The following ATP6V0A4 variants were observed in gnomAD, a reference collection of about 807,000 sequenced individuals.
The protein encoded by ATP6V0A4 is ATPase H+ transporting V0 subunit a4.
In ATP6V0A4, 86 loss-of-function variants were observed where a neutral mutation model predicts 107.3. That is an observed-to-expected ratio of 0.80 (90% CI 0.67 to 0.96). The LOEUF (loss-of-function observed/expected upper bound fraction) is 0.96. Ranked by LOEUF, ATP6V0A4 falls within the 40% of genes least tolerant of loss-of-function variation. ATP6V0A4 has a pLI of 0.00. For synonymous variants in ATP6V0A4, 353 were observed against 381.4 expected, an observed-to-expected ratio of 0.93 and a Z score of 0.87; for missense variants, 908 against 1,045.6, an observed-to-expected ratio of 0.87 and a Z score of 1.81.
At chr7:138,768,451 C>T (rs979296855) in intron 5 of ATP6V0A4, among the ~76,000 whole-genome samples, 1 of 152,070 alleles carries the variant, frequency 6.6e-6, no homozygotes, top group Non-Finnish European at 1.5e-5. Context: ...CACACTCAGC[C>T]CATTCAGTGG....
chr7:138,733,673 G>A (rs1805152717), intron 16 of ATP6V0A4, among the ~76,000 whole-genome samples: 1 of 146,568 alleles, frequency 6.8e-6, no homozygotes, highest in Non-Finnish European at 1.5e-5. Context: ...CTGCCTCCAG[G>A]TCCAAGGGAT....
chr7:138,753,450 A>G (rs931116146), intron 10 of ATP6V0A4, among the ~76,000 whole-genome samples: 2 of 152,124 alleles, frequency 1.3e-5, no homozygotes, highest in African/African-American at 4.8e-5. Context: ...ATAAATCTTT[A>G]TTGTCTTATG....
intron 12 of ATP6V0A4, among the ~76,000 whole-genome samples, chr7:138,747,841 A>G (rs945461935): frequency 1.3e-5 from 2 of 151,596 alleles, no homozygotes; most frequent in Non-Finnish European, 2.9e-5. Flanking sequence ...TGCAACCTCC[A>G]CCTCCTGGGC....
At chr7:138,741,297 T>TACTGTCCTGGCCC (rs1317848233) in intron 14 of ATP6V0A4, among the ~76,000 whole-genome samples, 4 of 152,174 alleles carry the variant, frequency 2.6e-5, no homozygotes, top group Non-Finnish European at 5.9e-5. Flanking sequence ...AAGCCTGGCC[T>TACTGTCCTGGCCC]ACTGTCCTGG....
chr7:138,783,504 T>A (rs1050342489), intron 2 of ATP6V0A4, among the ~76,000 whole-genome samples: 4 of 152,054 alleles, frequency 2.6e-5, no homozygotes, highest in Non-Finnish European at 4.4e-5. Context: ...AGCAGGAGGA[T>A]CGCTTGAGCC....
intron 5 of ATP6V0A4, 130 bp downstream of exon 5, chr7:138,768,650 G>A (rs540413922): frequency 3.9e-5 from 44 of 1,131,234 alleles, no homozygotes; most frequent in East Asian, 3.9e-4. Flanking sequence ...AGAGGGAGAC[G>A]ACCATGCAGG....
chr7:138,715,671 TC>T, intron 20 of ATP6V0A4, 92 bp downstream of exon 20: 1 of 1,507,218 alleles, frequency 6.6e-7, no homozygotes, highest in Non-Finnish European at 9.2e-7. Flanking sequence ...CACAAATAGC[TC>T]GGAGAAGTCA....
intron 20 of ATP6V0A4, among the ~76,000 whole-genome samples, chr7:138,710,632 A>G (rs1803691681): frequency 6.6e-6 from 1 of 152,222 alleles, no homozygotes; most frequent in Non-Finnish European, 1.5e-5. Context: ...AATCCTAACC[A>G]CATTTCAAAA....
chr7:138,711,604 C>T (rs3778701), intron 20 of ATP6V0A4, among the ~76,000 whole-genome samples: 11,260 of 152,164 alleles, frequency 0.074, 464 homozygotes, highest in Middle Eastern at 0.18. Context: ...TTGCTTGCTG[C>T]CCCCCAAGAT....
At chr7:138,754,928 C>T (rs1357819654) in intron 10 of ATP6V0A4, among the ~76,000 whole-genome samples, 1 of 152,024 alleles carries the variant, frequency 6.6e-6, no homozygotes, top group Non-Finnish European at 1.5e-5. Context: ...GCACCCAGCC[C>T]TAAAATTTAA....
intron 13 of ATP6V0A4, among the ~76,000 whole-genome samples, chr7:138,746,386 A>G (rs1584920890): frequency 6.6e-6 from 1 of 152,176 alleles, no homozygotes; most frequent in Admixed American, 6.6e-5. Context: ...TTTACCATAC[A>G]AAATCATATC....
rs565380336 is a variant in ATP6V0A4 at position 138,739,654 on chromosome 7, A to G, written c.1479-21T>C. The stretch of plus-strand genomic sequence containing the variant: ...GAGTACTTTAGAGGGAGAAAAGGAG[A>G]AAAACAAACAATGATCAACCGGGGC... On this transcript the variant is annotated intron_variant, in intron 14 of 21. Coordinates refer to ENST00000310018, the MANE Select transcript of ATP6V0A4 (RefSeq NM_020632.3). The G allele has an allele frequency of 3.7e-6, 6 of 1,613,778 alleles. No homozygotes were observed. The African/African-American group carries it at 6.7e-5, about 18-fold the overall frequency.
chr7:138,791,515 C>CTTCA (rs1203307726), intron 1 of ATP6V0A4, among the ~76,000 whole-genome samples: 1 of 152,158 alleles, frequency 6.6e-6, no homozygotes, highest in African/African-American at 2.4e-5. Flanking sequence ...GGAATCCATA[C>CTTCA]TTCAGCACAT....
At position 138,742,020 on chromosome 7, in the gene ATP6V0A4, T is replaced by C. The variant is rs138795164; in HGVS notation, c.1479-2387A>G. ...CATAAGAGAACAGCATTCATACCCA[T>C]GTCTGCAGAGTGGTAACAAGACAGT... is the stretch of plus-strand genomic sequence containing the variant. On this transcript the variant is annotated intron_variant, in intron 14 of 21. Transcript: ENST00000310018. Among the ~76,000 whole-genome samples the C allele has an allele frequency of 2.0e-4, 31 of 152,358 alleles. No individual in the cohort carries two copies. The East Asian group carries it at 4.2e-3, about 21-fold the overall frequency.
chr7:138,780,741 G>GA (rs1807880312), intron 2 of ATP6V0A4, among the ~76,000 whole-genome samples: 1 of 151,854 alleles, frequency 6.6e-6, no homozygotes, highest in Non-Finnish European at 1.5e-5. Flanking sequence ...TCATCTCTAT[G>GA]AAAAATAAAC....
At chr7:138,750,755 C>T (rs1482336249) in intron 11 of ATP6V0A4, among the ~76,000 whole-genome samples, 3 of 152,300 alleles carry the variant, frequency 2.0e-5, no homozygotes, top group South Asian at 2.1e-4. Flanking sequence ...CCCTGCTCAG[C>T]CTGGTTGAAA....
intron 21 of ATP6V0A4, among the ~76,000 whole-genome samples, chr7:138,707,156 ATATAATATATTATATATAT>A: frequency 1.2e-5 from 1 of 82,294 alleles, no homozygotes; most frequent in Non-Finnish European, 2.2e-5. Context: ...ATATATTAAT[ATATAATATATTATATATAT>A]TATATAATAT....
At chr7:138,796,028 G>A (rs1375301311) in intron 1 of ATP6V0A4, among the ~76,000 whole-genome samples, 1 of 152,102 alleles carries the variant, frequency 6.6e-6, no homozygotes, top group Non-Finnish European at 1.5e-5. Context: ...AAATCTTGGG[G>A]ATTCCACGTA....
At chr7:138,707,336 A>AAT (rs1554386004) in intron 21 of ATP6V0A4, among the ~76,000 whole-genome samples, 2 of 66,826 alleles carry the variant, frequency 3.0e-5, no homozygotes, top group African/African-American at 6.6e-5. Context: ...TTATATTTAT[A>AAT]ATATATATAT....
Sources: allele counts gnomAD v4.1 joint callset (sites outside exome capture counted in the v4.1 genomes callset), GRCh38; gene constraint gnomAD v4.1.1; transcripts MANE v1.5; gene names NCBI Gene and HGNC (gene_info 2026-07-23, HGNC 2026-07-21).